The following ADGRA1 variants were observed in gnomAD, a reference collection of about 807,000 sequenced individuals.
ADGRA1 encodes adhesion G protein-coupled receptor A1.
ADGRA1 carries 12 observed loss-of-function variants against 21.3 expected under a neutral mutation model. The ratio of observed to expected loss-of-function variants is 0.56; its 90% CI spans 0.36 to 0.91. The LOEUF (loss-of-function observed/expected upper bound fraction) is 0.91, where lower values mean the gene tolerates loss of function less well. Among genes scored for constraint, ADGRA1 ranks in the 40% least tolerant of loss-of-function variants. The probability of loss-of-function intolerance (pLI) is 0.01; values close to 1 mark genes in which losing one functional copy is unlikely to be tolerated. For missense variants in ADGRA1, 790 were observed against 805.6 expected (o/e 0.98, Z 0.23); for synonymous variants, 385 against 368.8 (o/e 1.04, Z -0.50).
Position 133,102,817 on chromosome 10 carries a change from C to G in ADGRA1, c.376C>G (p.Pro126Ala). ...APLCLDTDQP[P>A]YPRQPLLRFY... ...TCTGTGCCTGGACACAGACCAGCCA[C>G]CGTACCCCAGGCAGCCCCTGCTCAG... The change falls in exon 5 of 7, where the codon CCG becomes GCG. Residue 126 changes from proline to alanine, a missense_variant. This residue lies in a region of ADGRA1 where 382 missense variants were observed against 415.6 expected (regional missense o/e 0.92). Transcript: ENST00000392607. 1 of 1,611,938 alleles carries G rather than the reference C, an allele frequency of 6.2e-7. No individual in the cohort carries two copies. Among genetic ancestry groups the G allele is most frequent in the Non-Finnish European group, 8.5e-7 (1 of 1,179,106 alleles).
intron 5 of ADGRA1, among the ~76,000 whole-genome samples, chr10:133,112,168 C>T (rs1852043928): frequency 6.6e-6 from 1 of 152,174 alleles, no homozygotes; most frequent in South Asian, 2.1e-4. Flanking sequence ...GGAAGACACT[C>T]CAGAAACAAG....
Position 133,128,963 on chromosome 10 carries a change from C to A in ADGRA1, c.1135C>A (p.Pro379Thr). 6.4e-7 allele frequency: 1 copy of A among 1,555,834 alleles called. No individual in the cohort carries two copies. Among genetic ancestry groups the A allele is most frequent in the Non-Finnish European group, 8.7e-7 (1 of 1,152,254 alleles). ...AAQGHASCLS[P>T]ATPCCAKMHC... ...GCAGGGCCACGCCAGTTGCCTGTCA[C>A]CGGCCACCCCGTGCTGCGCCAAGAT... The change falls in exon 7 of 7, where the codon CCG (proline) becomes ACG (threonine). Residue 379 changes from proline (P) to threonine (T), a missense_variant. By Grantham distance (38) the Pro-to-Thr change is conservative. Coordinates refer to ENST00000392607, the MANE Select transcript of ADGRA1 (RefSeq NM_001083909.3).
At position 133,111,300 on chromosome 10, in the gene ADGRA1, C is replaced by A. The variant is rs112778958; in HGVS notation, c.401+8458C>A. On this transcript the variant is annotated intron_variant, in intron 5 of 6. Coordinates refer to ENST00000392607, the MANE Select transcript of ADGRA1 (RefSeq NM_001083909.3). ...TAATCCCACCAGACAACCTGCCCCC[C>A]CGGGAACCATCCCTCCTAATCCCAC... 1.8e-3 allele frequency among the ~76,000 whole-genome samples: 109 copies of A among 62,148 alleles called. 15 individuals carry two copies. Among genetic ancestry groups the A allele is most frequent in the South Asian group, 3.1e-3 (4 of 1,288 alleles). The allele number at this position is 62,148 out of a possible 152,430, so 40.8% of individuals were successfully genotyped here.
In ADGRA1 at chr10:133,129,041, G is replaced by A. The variant is rs1852450836; in HGVS notation, c.1213G>A (p.Gly405Ser). The part of the protein sequence containing the change: ...DEAHVHLQEE[G>S]AFGHDPHLHG... ...GGCGCACGTGCACCTGCAGGAGGAG[G>A]GCGCCTTCGGGCACGACCCCCACCT... Residue 405 changes from glycine (G) to serine (S), a missense_variant, in exon 7 of 7, where the codon GGC becomes AGC. By Grantham distance (56) the Gly-to-Ser change is moderately conservative. Coordinates refer to ENST00000392607, the MANE Select transcript of ADGRA1 (RefSeq NM_001083909.3). 2 of 1,556,646 alleles carry A rather than the reference G, an allele frequency of 1.3e-6. No individual in the cohort carries two copies. The highest frequency in any genetic ancestry group is 1.7e-6 in the Non-Finnish European group (2 of 1,149,256).
chr10:133,090,054 A>G (rs1055951427), intron 2 of ADGRA1, among the ~76,000 whole-genome samples: 2 of 152,154 alleles, frequency 1.3e-5, no homozygotes, highest in Admixed American at 6.5e-5. Flanking sequence ...TCAAATTGAG[A>G]CCCTTATTTG....
intron 5 of ADGRA1, among the ~76,000 whole-genome samples, chr10:133,112,567 GTTAT>G (rs145030964): frequency 0.077 from 10,354 of 134,264 alleles, 498 homozygotes; most frequent in African/African-American, 0.093. Context: ...GGCCGCATCG[GTTAT>G]TTGAGGTCTG....
chr10:133,128,680 C>T lies in ADGRA1; in HGVS notation c.852C>T (p.Asp284=), dbSNP rs1205886217. The stretch of plus-strand genomic sequence containing the variant: ...CGGTGTCACAGGGCCACTTCCTGGA[C>T]ATGGTCTTCAGCTGCCTGTACGGCG... The part of the protein sequence containing the change: ...ALAVSQGHFL[D]MVFSCLYGAF... The change falls in exon 7 of 7, where the codon GAC becomes GAT. Residue 284 remains aspartate, a synonymous_variant. Coordinates refer to ENST00000392607, the MANE Select transcript of ADGRA1 (RefSeq NM_001083909.3). 6.2e-6 allele frequency: 10 copies of T among 1,611,516 alleles called. No homozygotes were observed. The highest frequency in any genetic ancestry group is 1.3e-5 in the African/African-American group (1 of 75,034).
Position 133,098,657 on chromosome 10 carries a change from G to T in ADGRA1, c.149G>T (p.Arg50Leu), listed in dbSNP as rs199841510. The T allele has an allele frequency of 1.9e-6, 3 of 1,609,938 alleles. No individual in the cohort carries two copies. Among genetic ancestry groups the T allele is most frequent in the African/African-American group, 1.3e-5 (1 of 75,040 alleles). ...TCCCACAGCGCCATCCGCATCAGCCGCAAGGGCCGGCACACGCTCCTGAAT... is the reference window on the plus strand; with the variant it reads ...TCCCACAGCGCCATCCGCATCAGCCTCAAGGGCCGGCACACGCTCCTGAAT... ...IVHQSAIRIS[R>L]KGRHTLLNFC... The change falls in exon 4 of 7, where the codon CGC becomes CTC. Residue 50 changes from arginine (R) to leucine (L), a missense_variant. Arg to Leu is a moderately radical substitution (Grantham distance 102). Around this residue, in one of 3 missense-constraint regions of ADGRA1, gnomAD observed 382 missense variants for 415.6 expected, o/e 0.92. Transcript: ENST00000392607.
intron 2 of ADGRA1, among the ~76,000 whole-genome samples, chr10:133,096,150 A>T (rs1851684366): frequency 6.6e-6 from 1 of 152,194 alleles, no homozygotes; most frequent in South Asian, 2.1e-4. Context: ...GACAGAGCTG[A>T]GTGCAGGCTG....
chr10:133,097,524 C>G (rs1851708483), intron 3 of ADGRA1, among the ~76,000 whole-genome samples: 1 of 152,196 alleles, frequency 6.6e-6, no homozygotes, highest in African/African-American at 2.4e-5. Context: ...ATGCCCACAG[C>G]CAGTCATGGG....
chr10:133,107,869 C>T (rs1851920657), intron 5 of ADGRA1, among the ~76,000 whole-genome samples: 1 of 152,214 alleles, frequency 6.6e-6, no homozygotes, highest in African/African-American at 2.4e-5. Context: ...TGAAGGGAGT[C>T]CCCACTTGAT....
Position 133,097,010 on chromosome 10 carries a change from G to A in ADGRA1, c.40G>A (p.Gly14Arg). ...AGTGCTCTCCCTGCCCCGCTACCCAGGGGAGTTCCTGCACCCCGTGGTGTA... is the reference window on the plus strand; with the variant it reads ...AGTGCTCTCCCTGCCCCGCTACCCAAGGGAGTTCCTGCACCCCGTGGTGTA... ...KTVLSLPRYPGEFLHPVVYAC... is the reference protein window; with the variant it reads ...KTVLSLPRYPREFLHPVVYAC... Residue 14 changes from glycine to arginine, a missense_variant, in exon 3 of 7, where the codon GGG (glycine) becomes AGG (arginine). By Grantham distance (125) the Gly-to-Arg change is moderately radical (BLOSUM62 -2). Coordinates refer to ENST00000392607, the MANE Select transcript of ADGRA1 (RefSeq NM_001083909.3). The A allele has an allele frequency of 6.2e-7, 1 of 1,613,396 alleles. No homozygotes were observed. Among genetic ancestry groups the A allele is most frequent in the Non-Finnish European group, 8.5e-7 (1 of 1,179,948 alleles).
chr10:133,090,241 C>A (rs375796153), intron 2 of ADGRA1, among the ~76,000 whole-genome samples: 1 of 152,188 alleles, frequency 6.6e-6, no homozygotes, highest in African/African-American at 2.4e-5. Context: ...AGGGCACCAC[C>A]CCTCGCAGGC....
chr10:133,089,115 G>C lies in ADGRA1; in HGVS notation c.3+203G>C. The stretch of plus-strand genomic sequence containing the variant: ...GTGTCTGGGCACCTCTGCTCCCCGC[G>C]TGCTGGGTGCTGATCATACTAATGA... On this transcript the variant is annotated intron_variant, in intron 2 of 6. Transcript: ENST00000392607. 4 of 934,542 alleles carry C rather than the reference G, an allele frequency of 4.3e-6. No individual in the cohort carries two copies. In the East Asian group the frequency reaches 9.9e-5, roughly 23 times the overall value. 57.9% of individuals were successfully genotyped at this position (934,542 alleles called of 1,614,324 possible). A position where few individuals can be genotyped will look rare whatever the true frequency, so the allele number is the denominator to read the frequency against.
At chr10:133,125,116 C>A (rs577993361) in intron 5 of ADGRA1, among the ~76,000 whole-genome samples, 123 of 152,396 alleles carry the variant, frequency 8.1e-4, no homozygotes, top group African/African-American at 2.9e-3. Flanking sequence ...ACAGTTGGCA[C>A]TGCATGGCCT....
At chr10:133,112,369 G>A (rs1408840801) in intron 5 of ADGRA1, among the ~76,000 whole-genome samples, 1 of 151,424 alleles carries the variant, frequency 6.6e-6, no homozygotes, top group Non-Finnish European at 1.5e-5. Flanking sequence ...GGGTCTGCGG[G>A]CCGTGTCGGT....
At chr10:133,097,886 G>T (rs1851715506) in intron 3 of ADGRA1, among the ~76,000 whole-genome samples, 1 of 152,190 alleles carries the variant, frequency 6.6e-6, no homozygotes, top group Non-Finnish European at 1.5e-5. Flanking sequence ...TGTGGAGGGT[G>T]AGGCACTCTG....
At chr10:133,115,088 G>A (rs1472635966) in intron 5 of ADGRA1, among the ~76,000 whole-genome samples, 1 of 152,196 alleles carries the variant, frequency 6.6e-6, no homozygotes, top group African/African-American at 2.4e-5. Flanking sequence ...AGGAGCCTGG[G>A]GGGCTTCATC....
intron 2 of ADGRA1, 22 bp downstream of exon 2, chr10:133,088,934 G>C: frequency 2.4e-6 from 3 of 1,241,574 alleles, no homozygotes; most frequent in Middle Eastern, 2.1e-4. Context: ...GGTCCCGGGG[G>C]TCCTGCAGCT....
Sources: allele counts gnomAD v4.1 joint callset (sites outside exome capture counted in the v4.1 genomes callset), GRCh38; gene constraint gnomAD v4.1.1; regional missense constraint gnomAD v4.1.1; transcripts MANE v1.5; gene names NCBI Gene and HGNC (gene_info 2026-07-23, HGNC 2026-07-21).